The following CTNNBL1 variants were observed in gnomAD, a reference collection of about 807,000 sequenced individuals.
CTNNBL1 encodes catenin beta like 1.
In CTNNBL1, 31 loss-of-function variants were observed where a neutral mutation model predicts 72.7. The observed-to-expected ratio is 0.43, with a 90% CI of 0.32 to 0.58. CTNNBL1 has a LOEUF of 0.58. Ranked by LOEUF, CTNNBL1 falls within the 20% of genes least tolerant of loss-of-function variation. The pLI, the probability that CTNNBL1 is intolerant of heterozygous loss-of-function variation, is 0.08. For missense variants in CTNNBL1, 534 were observed against 725.1 expected (o/e 0.74, Z 3.03); for synonymous variants, 240 against 267.3 (o/e 0.90, Z 1.00).
intron 1 of CTNNBL1, among the ~76,000 whole-genome samples, chr20:37,721,542 A>G (rs1408048690): frequency 1.3e-5 from 2 of 152,194 alleles, no homozygotes; most frequent in East Asian, 3.8e-4. Flanking sequence ...CAGTGTGTGC[A>G]TAATCACACC....
chr20:37,788,779 C>G (rs942683231), intron 10 of CTNNBL1, among the ~76,000 whole-genome samples: 5 of 152,258 alleles, frequency 3.3e-5, no homozygotes, highest in African/African-American at 1.2e-4. Context: ...TCTAAGAAGT[C>G]CTTCATGCAG....
At chr20:37,777,230 C>G (rs2073582396) in intron 7 of CTNNBL1, 115 bp from the exon 8 acceptor site, 1 of 805,364 alleles carries the variant, frequency 1.2e-6, no homozygotes, top group Non-Finnish European at 2.1e-6. Flanking sequence ...ACTGCCTTTT[C>G]CTTTTCTAAC....
Position 37,840,088 on chromosome 20 carries a change from C to T in CTNNBL1, c.1214-14C>T. On this transcript the variant is annotated splice_polypyrimidine_tract_variant and intron_variant, in intron 11 of 15. Coordinates refer to ENST00000361383, the MANE Select transcript of CTNNBL1 (RefSeq NM_030877.5). ...CTGATCTCAGCATGTTCTCTTTTCT[C>T]TTTCCCAACCCAGAGCATGTCTGTT... 1.9e-6 allele frequency: 3 copies of T among 1,604,848 alleles called. No individual in the cohort carries two copies. The highest frequency in any genetic ancestry group is 2.6e-6 in the Non-Finnish European group (3 of 1,171,766).
At chr20:37,865,853 A>G (rs1038921241) in intron 15 of CTNNBL1, among the ~76,000 whole-genome samples, 1 of 152,242 alleles carries the variant, frequency 6.6e-6, no homozygotes, top group African/African-American at 2.4e-5. Flanking sequence ...CTGGGCGAAA[A>G]GAATGAGCCA....
intron 11 of CTNNBL1, among the ~76,000 whole-genome samples, chr20:37,805,274 A>C (rs1363033808): frequency 6.6e-6 from 1 of 152,206 alleles, no homozygotes; most frequent in Non-Finnish European, 1.5e-5. Context: ...ACTGGTGGGC[A>C]TGCCCAGCTC....
At chr20:37,770,371 C>T (rs1280812842) in intron 7 of CTNNBL1, among the ~76,000 whole-genome samples, 10 of 152,182 alleles carry the variant, frequency 6.6e-5, no homozygotes, top group African/African-American at 4.8e-5. Flanking sequence ...AAGGGGATGG[C>T]GTAGATGTCA....
At chr20:37,867,086 G>T (rs991508380) in intron 15 of CTNNBL1, among the ~76,000 whole-genome samples, 1 of 152,190 alleles carries the variant, frequency 6.6e-6, no homozygotes, top group Non-Finnish European at 1.5e-5. Flanking sequence ...GATGAAATGA[G>T]AACCTACTGC....
At chr20:37,841,565 G>A (rs1385726179) in intron 12 of CTNNBL1, among the ~76,000 whole-genome samples, 2 of 152,192 alleles carry the variant, frequency 1.3e-5, no homozygotes, top group Admixed American at 1.3e-4. Context: ...CACCTATTAA[G>A]CAATCAGTAT....
At chr20:37,797,817 C>G (rs1355055433) in intron 10 of CTNNBL1, among the ~76,000 whole-genome samples, 1 of 152,210 alleles carries the variant, frequency 6.6e-6, no homozygotes, top group Non-Finnish European at 1.5e-5. Context: ...TCTTCTTACT[C>G]TTTATATTCT....
intron 1 of CTNNBL1, among the ~76,000 whole-genome samples, chr20:37,731,354 G>A (rs8121441): frequency 6.6e-6 from 1 of 152,142 alleles, no homozygotes; most frequent in East Asian, 1.9e-4. Context: ...TCCTGCCTCA[G>A]CCTCCCAAGT....
intron 10 of CTNNBL1, among the ~76,000 whole-genome samples, chr20:37,791,096 C>A (rs566479729): frequency 6.6e-6 from 1 of 152,274 alleles, no homozygotes; most frequent in Non-Finnish European, 1.5e-5. Context: ...TAATTAGTTC[C>A]TTTTTCACTG....
intron 1 of CTNNBL1, among the ~76,000 whole-genome samples, chr20:37,716,576 C>T (rs1284307590): frequency 6.6e-6 from 1 of 152,104 alleles, no homozygotes; most frequent in Non-Finnish European, 1.5e-5. Flanking sequence ...TTTACTATTT[C>T]CTTTGAGTTG....
intron 15 of CTNNBL1, among the ~76,000 whole-genome samples, chr20:37,870,921 A>G (rs1233403555): frequency 6.6e-6 from 1 of 150,988 alleles, no homozygotes; most frequent in African/African-American, 2.4e-5. Flanking sequence ...ACCTTTCCAC[A>G]CTCATCTCCT....
chr20:37,765,582 C>G (rs6096107), intron 6 of CTNNBL1, among the ~76,000 whole-genome samples: 3 of 152,196 alleles, frequency 2.0e-5, no homozygotes, highest in Admixed American at 1.3e-4. Flanking sequence ...AGGATGAAAC[C>G]TATGCTGGTT....
chr20:37,764,946 T>TA (rs1474861043), intron 5 of CTNNBL1, among the ~76,000 whole-genome samples: 1 of 152,174 alleles, frequency 6.6e-6, no homozygotes, highest in Non-Finnish European at 1.5e-5. Context: ...CCTTGAATTT[T>TA]ACTTTGTCTG....
chr20:37,797,150 C>T (rs2073783228), intron 10 of CTNNBL1, among the ~76,000 whole-genome samples: 1 of 152,176 alleles, frequency 6.6e-6, no homozygotes, highest in African/African-American at 2.4e-5. Context: ...ACCCCACCCT[C>T]TGGCTGTGGT....
intron 1 of CTNNBL1, among the ~76,000 whole-genome samples, 179 bp downstream of exon 1, chr20:37,694,331 G>T (rs2072770004): frequency 6.6e-6 from 1 of 152,136 alleles, no homozygotes; most frequent in African/African-American, 2.4e-5. Flanking sequence ...GGGCCCTTTC[G>T]ATTCATCCCT....
intron 7 of CTNNBL1, among the ~76,000 whole-genome samples, chr20:37,769,662 A>G (rs1180250665): frequency 2.6e-5 from 4 of 152,246 alleles, no homozygotes; most frequent in African/African-American, 4.8e-5. Context: ...TTTGGACCAA[A>G]GGTGTGATGG....
chr20:37,813,109 C>T (rs557492021), intron 11 of CTNNBL1, among the ~76,000 whole-genome samples: 6 of 152,280 alleles, frequency 3.9e-5, no homozygotes, highest in Non-Finnish European at 5.9e-5. Flanking sequence ...ATGTTGGGGA[C>T]GTGTTCTCAG....
Sources: gnomAD v4.1 joint callset for allele counts (sites outside exome capture counted in the v4.1 genomes callset) on GRCh38, gnomAD v4.1.1 for gene constraint, MANE v1.5 for transcripts, NCBI Gene and HGNC (gene_info 2026-07-23, HGNC 2026-07-21) for gene names.